Variants in TNPO1 observed in about 807,000 individuals in gnomAD.
TNPO1 encodes transportin-1.
A neutral mutation model predicts 119.5 loss-of-function variants in TNPO1; 8 were observed. The observed-to-expected ratio is 0.07, with a 90% CI of 0.04 to 0.12. The LOEUF (loss-of-function observed/expected upper bound fraction) is 0.12, where lower values mean the gene tolerates loss of function less well. Among genes scored for constraint, TNPO1 ranks in the 10% least tolerant of loss-of-function variants. The pLI is 1.00. For missense variants in TNPO1, 576 were observed against 1,089.8 expected (o/e 0.53, Z 6.64); for synonymous variants, 362 against 363.0 (o/e 1.00, Z 0.03).
intron 19 of TNPO1, 105 bp from the exon 20 acceptor site, chr5:72,896,947 ATATT>A (rs1749476414): frequency 2.0e-6 from 1 of 501,204 alleles, no homozygotes. Context: ...TTGTATTTCT[ATATT>A]TATATGACAT....
rs754990013 is a variant in TNPO1, at chr5:72,891,881, C to G, written c.1773C>G (p.Leu591=). The change falls in exon 15 of 25, where the codon CTC becomes CTG. Residue 591 remains leucine (L), a synonymous_variant. Transcript: ENST00000337273. ...TGTTAAAGGATGAAGATAAAGATCTCTTCCCTTTACTTGAGGTATGCAGGG... is the reference window on the plus strand; with the variant it reads ...TGTTAAAGGATGAAGATAAAGATCTGTTCCCTTTACTTGAGGTATGCAGGG... The part of the protein sequence containing the change: ...WNMLKDEDKD[L]FPLLECLSSV... 6.2e-7 allele frequency: 1 copy of G among 1,611,210 alleles called. No homozygotes were observed. The highest frequency in any genetic ancestry group is 8.5e-7 in the Non-Finnish European group (1 of 1,178,636).
At chr5:72,837,977 C>T (rs183298049) in intron 1 of TNPO1, among the ~76,000 whole-genome samples, 157 of 152,302 alleles carry the variant, frequency 1.0e-3, no homozygotes, top group African/African-American at 3.6e-3. Flanking sequence ...GTTTTTTCTG[C>T]TATGTCTCTT....
chr5:72,883,000 A>T, intron 10 of TNPO1, 64 bp from the exon 11 acceptor site: 1 of 1,122,128 alleles, frequency 8.9e-7, no homozygotes, highest in Non-Finnish European at 1.3e-6. Flanking sequence ...TGTTTCTCTT[A>T]CTCATGTACA....
intron 18 of TNPO1, among the ~76,000 whole-genome samples, chr5:72,895,353 CCTTT>C (rs1303312620): frequency 4.1e-5 from 2 of 48,270 alleles, no homozygotes; most frequent in Admixed American, 2.3e-4. Flanking sequence ...AGTTGTCCCT[CCTTT>C]TTTTTTTTTT....
intron 14 of TNPO1, 64 bp from the exon 15 acceptor site, chr5:72,891,746 A>T: frequency 8.5e-7 from 1 of 1,177,396 alleles, no homozygotes; most frequent in South Asian, 1.4e-5. Context: ...ATTTTCAAAG[A>T]CTCAAAATGG....
At chr5:72,863,717 C>T (rs1561321678) in intron 5 of TNPO1, among the ~76,000 whole-genome samples, 2 of 147,418 alleles carry the variant, frequency 1.4e-5, no homozygotes, top group African/African-American at 2.5e-5. Context: ...ACTGAGATTG[C>T]ACCACTGCAC....
chr5:72,817,393 A>G (rs565786690), intron 1 of TNPO1, among the ~76,000 whole-genome samples: 1 of 152,330 alleles, frequency 6.6e-6, no homozygotes, highest in East Asian at 1.9e-4. Context: ...TCCCATGCGT[A>G]CAAGCAACAG....
At chr5:72,819,145 C>T (rs1743832930) in intron 1 of TNPO1, among the ~76,000 whole-genome samples, 1 of 152,174 alleles carries the variant, frequency 6.6e-6, no homozygotes, top group African/African-American at 2.4e-5. Context: ...GCCATCTGGT[C>T]AGCTTGTTGT....
chr5:72,863,077 G>A (rs950765791), intron 5 of TNPO1, among the ~76,000 whole-genome samples: 2 of 150,984 alleles, frequency 1.3e-5, no homozygotes, highest in African/African-American at 4.9e-5. Context: ...TAGATCACTA[G>A]CATCCTTTTT....
intron 1 of TNPO1, among the ~76,000 whole-genome samples, chr5:72,830,955 G>A (rs768188520): frequency 2.6e-5 from 4 of 152,176 alleles, no homozygotes; most frequent in South Asian, 4.1e-4. Flanking sequence ...AAACAGGCAC[G>A]CAGAATTATG....
chr5:72,816,710 GA>G lies in TNPO1; in HGVS notation c.-26del. 6.4e-7 allele frequency: 1 copy of G among 1,565,210 alleles called. No individual in the cohort carries two copies. Among genetic ancestry groups the G allele is most frequent in the East Asian group, 2.4e-5 (1 of 40,866 alleles). ...GACAGGAGGCAGTGCCGCTTCGGCCGAAGGCCCGAGCGCCCGAGGCGTCTGG... is the reference window on the plus strand; with the variant it reads ...GACAGGAGGCAGTGCCGCTTCGGCCGAGGCCCGAGCGCCCGAGGCGTCTGG... On this transcript the variant is annotated 5_prime_UTR_variant, in exon 1 of 25. Transcript: ENST00000337273.
rs1474894720 is a variant in TNPO1, at chr5:72,911,547, A to G, written c.*2874A>G. 2.0e-5 allele frequency: 3 copies of G among 152,548 alleles called. No homozygotes were observed. The highest frequency in any genetic ancestry group is 7.2e-5 in the African/African-American group (3 of 41,466). The allele number at this position is 152,548 out of a possible 1,614,324, so 9.4% of individuals were successfully genotyped here. On this transcript the variant is annotated 3_prime_UTR_variant, in exon 25 of 25. Coordinates refer to ENST00000337273, the MANE Select transcript of TNPO1 (RefSeq NM_002270.4). ...CTGATTTAGCATTTATTCTGATAAA[A>G]TCTAATACATCATGGGATATATATA...
At position 72,818,968 on chromosome 5, in the gene TNPO1, A is replaced by T. The variant is rs190233536; in HGVS notation, c.15+2216A>T. On this transcript the variant is annotated intron_variant, in intron 1 of 24. Coordinates refer to ENST00000337273, the MANE Select transcript of TNPO1 (RefSeq NM_002270.4). ...CAGGTGAAGGAGTCTTCTGGGTTGT[A>T]CAAGGGATGAGCTTCACAATGGAAG... Among the ~76,000 whole-genome samples the T allele has an allele frequency of 5.3e-5, 8 of 152,348 alleles. No homozygotes were observed. In the East Asian group the frequency reaches 1.5e-3, roughly 29 times the overall value.
intron 7 of TNPO1, among the ~76,000 whole-genome samples, chr5:72,873,653 A>C (rs1747564258): frequency 6.6e-6 from 1 of 152,158 alleles, no homozygotes. Context: ...CTTTCAGTCT[A>C]GTCTAGAGGT....
At chr5:72,903,433 T>C (rs1749927221) in intron 22 of TNPO1, among the ~76,000 whole-genome samples, 1 of 152,200 alleles carries the variant, frequency 6.6e-6, no homozygotes. Flanking sequence ...TCATTTCTGA[T>C]GCTGAACATT....
chr5:72,852,007 ATTAT>A (rs1360548169), intron 3 of TNPO1, among the ~76,000 whole-genome samples: 1 of 152,236 alleles, frequency 6.6e-6, no homozygotes, highest in Non-Finnish European at 1.5e-5. Context: ...AAAATGAAAA[ATTAT>A]TTATCCCATC....
Position 72,910,738 on chromosome 5 carries a change from TGTTTCAAAA to T in TNPO1, c.*2066_*2074del, listed in dbSNP as rs1211664684. 2 of 152,246 alleles carry T rather than the reference TGTTTCAAAA, an allele frequency of 1.3e-5. No homozygotes were observed. Among genetic ancestry groups the T allele is most frequent in the Admixed American group, 6.5e-5 (1 of 15,270 alleles). 9.4% of individuals were successfully genotyped at this position (152,246 alleles called of 1,614,324 possible). ...GAGCTGTGTGCGTGTGAATTTATAC[TGTTTCAAAA>T]ATTTCAAATGCATGGTAGCATGTAG... On this transcript the variant is annotated 3_prime_UTR_variant, in exon 25 of 25. Transcript: ENST00000337273.
intron 1 of TNPO1, among the ~76,000 whole-genome samples, chr5:72,837,634 C>A (rs1428756594): frequency 6.6e-6 from 1 of 152,182 alleles, no homozygotes; most frequent in African/African-American, 2.4e-5. Context: ...CAAAAATAAT[C>A]TAAGAAATCT....
At chr5:72,903,383 G>C (rs995722721) in intron 22 of TNPO1, among the ~76,000 whole-genome samples, 30 of 152,116 alleles carry the variant, frequency 2.0e-4, no homozygotes, top group Admixed American at 2.0e-3. Context: ...TCCGGTAAAT[G>C]AAAGAGTATT....
Sources: allele counts gnomAD v4.1 joint callset (sites outside exome capture counted in the v4.1 genomes callset), GRCh38; gene constraint gnomAD v4.1.1; transcripts MANE v1.5; gene names NCBI Gene and HGNC (gene_info 2026-07-23, HGNC 2026-07-21).